The following RIGI variants were observed in gnomAD, a reference collection of about 807,000 sequenced individuals.
RIGI encodes antiviral innate immune response receptor RIG-I.
the RIGI span, among the ~76,000 whole-genome samples, chr9:32,477,728 C>T: frequency 1.3e-5 from 2 of 152,086 alleles, no homozygotes; most frequent in South Asian, 4.2e-4. Flanking sequence ...GGTTCAAGAC[C>T]AGACTGGTCA....
At chr9:32,487,725 G>A in the RIGI span, 1,501 of 1,443,420 alleles carry the variant, frequency 1.0e-3, 13 homozygotes, top group African/African-American at 0.018. Context: ...GGGGTAGGGC[G>A]TTTTTTTGTT....
the RIGI span, among the ~76,000 whole-genome samples, chr9:32,523,330 C>G: frequency 3.9e-5 from 6 of 152,258 alleles, no homozygotes; most frequent in Non-Finnish European, 5.9e-5. Context: ...AACTGTGGAC[C>G]CTTTTCCTGA....
At chr9:32,499,826 C>T in the RIGI span, among the ~76,000 whole-genome samples, 3 of 152,156 alleles carry the variant, frequency 2.0e-5, no homozygotes, top group African/African-American at 7.2e-5. Flanking sequence ...GCCATCATAG[C>T]TCACTGCAGC....
At chr9:32,457,361 G>A in the RIGI span, 1 of 1,613,940 alleles carries the variant, frequency 6.2e-7, no homozygotes, top group Non-Finnish European at 8.5e-7. Context: ...GGCTTGGGAT[G>A]TGGTCTACTC....
At chr9:32,495,685 A>C in the RIGI span, among the ~76,000 whole-genome samples, 1 of 113,700 alleles carries the variant, frequency 8.8e-6, no homozygotes, top group African/African-American at 3.5e-5. Flanking sequence ...TTTGAGATGG[A>C]GTCTCGCTCT....
At chr9:32,483,386 A>G in the RIGI span, among the ~76,000 whole-genome samples, 1 of 152,134 alleles carries the variant, frequency 6.6e-6, no homozygotes, top group Non-Finnish European at 1.5e-5. Context: ...GTAGGTGTAA[A>G]AATAGCCTAA....
At chr9:32,459,452 T>A in the RIGI span, 3 of 1,612,900 alleles carry the variant, frequency 1.9e-6, no homozygotes, top group African/African-American at 4.0e-5. Flanking sequence ...CCTTATCAGG[T>A]ACAGGTTTTG....
chr9:32,517,540 TGG>T, the RIGI span, among the ~76,000 whole-genome samples: 1 of 152,234 alleles, frequency 6.6e-6, no homozygotes, highest in African/African-American at 2.4e-5. Context: ...TTAAAATTAT[TGG>T]TAAAATAAAA....
the RIGI span, chr9:32,466,433 T>G: frequency 1.9e-6 from 3 of 1,603,806 alleles, no homozygotes; most frequent in Non-Finnish European, 2.5e-6. Flanking sequence ...CCTCTTGCTC[T>G]TCCTCTGCCT....
At chr9:32,500,760 G>A in the RIGI span, 3 of 1,588,842 alleles carry the variant, frequency 1.9e-6, no homozygotes, top group Non-Finnish European at 2.6e-6. Flanking sequence ...TTGTCAAGCA[G>A]CAAAGTAATA....
the RIGI span, among the ~76,000 whole-genome samples, chr9:32,518,985 C>T: frequency 6.6e-6 from 1 of 152,200 alleles, no homozygotes; most frequent in African/African-American, 2.4e-5. Flanking sequence ...GCTGAGATTA[C>T]AGGCCTGAGC....
At chr9:32,479,099 A>G in the RIGI span, among the ~76,000 whole-genome samples, 1 of 152,224 alleles carries the variant, frequency 6.6e-6, no homozygotes, top group Non-Finnish European at 1.5e-5. Context: ...ACCAACAACC[A>G]TATCAGAAAG....
the RIGI span, chr9:32,456,046 A>G: frequency 6.6e-6 from 1 of 152,200 alleles, no homozygotes; most frequent in Non-Finnish European, 1.5e-5. Flanking sequence ...AAGCATCAGC[A>G]AACCTTGCTA....
At chr9:32,481,334 A>G in the RIGI span, 1 of 1,609,272 alleles carries the variant, frequency 6.2e-7, no homozygotes, top group Non-Finnish European at 8.5e-7. Flanking sequence ...AAAAAGAGGA[A>G]CGTACCCGCA....
the RIGI span, among the ~76,000 whole-genome samples, chr9:32,460,485 G>GA: frequency 2.0e-4 from 30 of 149,054 alleles, no homozygotes; most frequent in African/African-American, 4.2e-4. Context: ...CAAACTGAAT[G>GA]AAAAAAAAAG....
chr9:32,480,087 C>T, the RIGI span: 1 of 924,882 alleles, frequency 1.1e-6, no homozygotes, highest in Non-Finnish European at 1.6e-6. Context: ...CTACCATCTC[C>T]ATCTTCCTAC....
chr9:32,467,256 T>C, the RIGI span, among the ~76,000 whole-genome samples: 1 of 152,054 alleles, frequency 6.6e-6, no homozygotes, highest in Admixed American at 6.6e-5. Context: ...ATCAAGTAAA[T>C]TGGGGAACCA....
the RIGI span, chr9:32,500,660 G>T: frequency 1.1e-6 from 1 of 921,722 alleles, no homozygotes; most frequent in Non-Finnish European, 1.6e-6. Context: ...TATATCATCT[G>T]CCTAAAAACA....
the RIGI span, among the ~76,000 whole-genome samples, chr9:32,483,293 T>A: frequency 2.0e-5 from 3 of 152,162 alleles, no homozygotes; most frequent in Non-Finnish European, 4.4e-5. Context: ...CAAGTAGTAT[T>A]GACATGCTTC....
Sources: gnomAD v4.1 joint callset for allele counts (sites outside exome capture counted in the v4.1 genomes callset) on GRCh38, gnomAD v4.1.1 for gene constraint, MANE v1.5 for transcripts, NCBI Gene and HGNC (gene_info 2026-07-23, HGNC 2026-07-21) for gene names.